MN1: variants seen among roughly 807,000 people sequenced by gnomAD.
MN1 encodes the protein MN1 proto-oncogene, transcriptional regulator.
MN1 carries 19 observed loss-of-function variants against 86.9 expected under a neutral mutation model. The ratio of observed to expected loss-of-function variants is 0.22; its 90% CI spans 0.15 to 0.32. The LOEUF is 0.32. Among genes scored for constraint, MN1 ranks in the 10% least tolerant of loss-of-function variants. The pLI is 1.00. For missense variants in MN1, 1,841 were observed against 1,862.0 expected (o/e 0.99, Z 0.21); for synonymous variants, 928 against 849.6 (o/e 1.09, Z -1.60).
Position 27,799,169 on chromosome 22 carries a change from A to G in MN1, c.1375T>C (p.Phe459Leu). 1 of 1,606,874 alleles carries G rather than the reference A, an allele frequency of 6.2e-7. No individual in the cohort carries two copies. The highest frequency in any genetic ancestry group is 8.5e-7 in the Non-Finnish European group (1 of 1,175,094). ...PYMNVAKRPR[F>L]DFPGSAGVDR... Reference sequence around the variant, plus strand: ...ACTCCCGCGCTGCCCGGAAAGTCGAAGCGCGGCCTCTTGGCCACGTTCATG... The same window carrying G: ...ACTCCCGCGCTGCCCGGAAAGTCGAGGCGCGGCCTCTTGGCCACGTTCATG... The change falls in exon 1 of 2, where the codon TTC becomes CTC. Residue 459 changes from phenylalanine to leucine, a missense_variant. Coordinates refer to ENST00000302326, the MANE Select transcript of MN1 (RefSeq NM_002430.3).
rs45554336 is a variant in MN1 at position 27,798,759 on chromosome 22, C to T, written c.1785G>A (p.Val595=). ...GQGGLVHGGP[V]GGLAQPNFER... ...CAAAGTTCGGCTGGGCCAAGCCGCC[C>T]ACCGGGCCGCCATGCACCAGGCCGC... is the stretch of plus-strand genomic sequence containing the variant. Residue 595 remains valine, a synonymous_variant, in exon 1 of 2, where the codon GTG becomes GTA. Transcript: ENST00000302326. The T allele has an allele frequency of 0.016, 24,281 of 1,534,322 alleles. 3,242 individuals carry two copies. The African/African-American group carries it at 0.29, about 18-fold the overall frequency.
At chr22:27,782,771 T>G (rs1219542989) in intron 1 of MN1, among the ~76,000 whole-genome samples, 1 of 152,208 alleles carries the variant, frequency 6.6e-6, no homozygotes, top group African/African-American at 2.4e-5. Context: ...TTGCTGGGGT[T>G]TGAACCCAGG....
intron 1 of MN1, among the ~76,000 whole-genome samples, chr22:27,771,513 C>T (rs1031786499): frequency 1.3e-5 from 2 of 151,868 alleles, no homozygotes; most frequent in Non-Finnish European, 2.9e-5. Flanking sequence ...AAGCGTGAGC[C>T]GCCACCCTGG....
At position 27,799,762 on chromosome 22, in the gene MN1, G is replaced by A. The variant is rs1601346945; in HGVS notation, c.782C>T (p.Ala261Val). 2 of 1,592,894 alleles carry A rather than the reference G, an allele frequency of 1.3e-6. No individual in the cohort carries two copies. Among genetic ancestry groups the A allele is most frequent in the Non-Finnish European group, 1.7e-6 (2 of 1,169,464 alleles). ...AGCGCCCCCAGGAACCTGGCGACCC[G>A]CTGCATAATGAGGCAGCTGCCCTTC... is the stretch of plus-strand genomic sequence containing the variant. ...DSEGQLPHYA[A>V]GRQVPGGAFP... Residue 261 changes from alanine (A) to valine (V), a missense_variant, in exon 1 of 2, where the codon GCG becomes GTG. Coordinates refer to ENST00000302326, the MANE Select transcript of MN1 (RefSeq NM_002430.3).
chr22:27,770,472 C>T (rs1335489215), intron 1 of MN1, among the ~76,000 whole-genome samples: 1 of 152,186 alleles, frequency 6.6e-6, no homozygotes, highest in Non-Finnish European at 1.5e-5. Flanking sequence ...GGATCCACCT[C>T]TGCCTTGTCC....
intron 1 of MN1, among the ~76,000 whole-genome samples, chr22:27,754,052 A>G (rs372467719): frequency 1.3e-5 from 2 of 152,302 alleles, no homozygotes; most frequent in South Asian, 2.1e-4. Flanking sequence ...TTTACAGATG[A>G]GGAAACAAAC....
intron 1 of MN1, among the ~76,000 whole-genome samples, chr22:27,770,314 C>T (rs1035046725): frequency 6.6e-6 from 1 of 152,172 alleles, no homozygotes; most frequent in Non-Finnish European, 1.5e-5. Flanking sequence ...AGACAGTTGG[C>T]GGTTTGAAAG....
intron 1 of MN1, among the ~76,000 whole-genome samples, chr22:27,762,879 G>GCTTGAGCC (rs59127497): frequency 0.025 from 3,852 of 152,188 alleles, 172 homozygotes; most frequent in African/African-American, 0.088. Context: ...CAGGAGGATT[G>GCTTGAGCC]CTTGAGCCCA....
chr22:27,766,262 G>T (rs758795464), intron 1 of MN1, among the ~76,000 whole-genome samples: 4 of 152,200 alleles, frequency 2.6e-5, no homozygotes, highest in Non-Finnish European at 5.9e-5. Context: ...TGGACTGCTG[G>T]AAAATATTCG....
intron 1 of MN1, among the ~76,000 whole-genome samples, chr22:27,786,724 G>A (rs938553996): frequency 1.3e-5 from 2 of 152,086 alleles, no homozygotes; most frequent in Admixed American, 6.6e-5. Context: ...CCTCCTGGAC[G>A]AGTGATGGTG....
chr22:27,771,687 G>C (rs142199671), intron 1 of MN1, among the ~76,000 whole-genome samples: 66 of 152,210 alleles, frequency 4.3e-4, no homozygotes, highest in Non-Finnish European at 9.3e-4. Flanking sequence ...TTGCATGACA[G>C]GGAAAGGGAT....
chr22:27,760,273 A>C (rs1019614093), intron 1 of MN1, among the ~76,000 whole-genome samples: 4 of 150,284 alleles, frequency 2.7e-5, no homozygotes, highest in African/African-American at 9.8e-5. Flanking sequence ...TGAACCCAGA[A>C]GGCAGAGCTT....
intron 1 of MN1, among the ~76,000 whole-genome samples, chr22:27,766,903 T>G (rs1932874258): frequency 6.6e-6 from 1 of 152,146 alleles, no homozygotes. Flanking sequence ...ATTTTTCCCC[T>G]CTTCCTGGAC....
At chr22:27,770,256 G>A (rs1932903052) in intron 1 of MN1, among the ~76,000 whole-genome samples, 1 of 152,232 alleles carries the variant, frequency 6.6e-6, no homozygotes, top group African/African-American at 2.4e-5. Context: ...TAGAACCACT[G>A]AAAGGATGAT....
intron 1 of MN1, among the ~76,000 whole-genome samples, chr22:27,766,307 A>G (rs554344389): frequency 3.9e-5 from 6 of 152,230 alleles, no homozygotes; most frequent in Middle Eastern, 3.4e-3. Flanking sequence ...GAGAGGATTG[A>G]GCGATGCTGA....
chr22:27,789,262 G>T (rs1460181459), intron 1 of MN1, among the ~76,000 whole-genome samples: 1 of 151,318 alleles, frequency 6.6e-6, no homozygotes, highest in Non-Finnish European at 1.5e-5. Context: ...ATCTTCTATA[G>T]CAATGGGTCC....
chr22:27,797,504 C>A lies in MN1; in HGVS notation c.3040G>T (p.Ala1014Ser), dbSNP rs774520445. 2 of 1,604,870 alleles carry A rather than the reference C, an allele frequency of 1.2e-6. No homozygotes were observed. The highest frequency in any genetic ancestry group is 8.5e-7 in the Non-Finnish European group (1 of 1,176,130). The stretch of plus-strand genomic sequence containing the variant: ...GGCTGATCCCCCAGGAGCAACTCAG[C>A]CCCCTTCCCCCAGGATGGCGACGTG... ...ALTSPSWGKGAELLLGDQPDL... is the reference protein window; with the variant it reads ...ALTSPSWGKGSELLLGDQPDL... Residue 1014 changes from alanine to serine, a missense_variant, in exon 1 of 2, where the codon GCT becomes TCT. By Grantham distance (99) the Ala-to-Ser change is moderately conservative (BLOSUM62 1). Coordinates refer to ENST00000302326, the MANE Select transcript of MN1 (RefSeq NM_002430.3).
chr22:27,760,341 T>A (rs776655623), intron 1 of MN1, among the ~76,000 whole-genome samples: 9 of 151,482 alleles, frequency 5.9e-5, no homozygotes, highest in Non-Finnish European at 1.2e-4. Context: ...CAAGACTCCG[T>A]CTCAAAGAAA....
chr22:27,791,575 G>A (rs754772358), intron 1 of MN1, among the ~76,000 whole-genome samples: 16 of 151,570 alleles, frequency 1.1e-4, no homozygotes, highest in South Asian at 2.1e-4. Context: ...CACCCCCTCC[G>A]ACAAACAGAG....
Sources: gnomAD v4.1 joint callset for allele counts (sites outside exome capture counted in the v4.1 genomes callset) on GRCh38, gnomAD v4.1.1 for gene constraint, MANE v1.5 for transcripts, NCBI Gene and HGNC (gene_info 2026-07-23, HGNC 2026-07-21) for gene names.